Variants in PRUNE2 observed in about 807,000 individuals in gnomAD.
PRUNE2 encodes protein prune homolog 2.
Under a neutral mutation model 252.0 loss-of-function variants are expected in PRUNE2, and 164 were observed. The ratio of observed to expected loss-of-function variants is 0.65; its 90% confidence interval spans 0.57 to 0.74. The LOEUF (loss-of-function observed/expected upper bound fraction) is 0.74, where lower values mean the gene tolerates loss of function less well. Among genes scored for constraint, PRUNE2 ranks in the 30% least tolerant of loss-of-function variants. The probability of loss-of-function intolerance (pLI) is 0.00; values close to 1 mark genes in which losing one functional copy is unlikely to be tolerated. For missense variants in PRUNE2, 3,495 were observed against 3,711.0 expected (o/e 0.94, Z 1.51); for synonymous variants, 1,292 against 1,350.2 (o/e 0.96, Z 0.94).
intron 1 of PRUNE2, among the ~76,000 whole-genome samples, chr9:76,875,807 T>C (rs941952508): frequency 6.6e-6 from 1 of 152,244 alleles, no homozygotes; most frequent in Non-Finnish European, 1.5e-5. Context: ...GTCATACCAC[T>C]GCTATCCATC....
chr9:76,624,309 A>G (rs539230975), intron 17 of PRUNE2, 143 bp downstream of exon 17: 8 of 486,546 alleles, frequency 1.6e-5, no homozygotes, highest in Non-Finnish European at 2.8e-5. Context: ...TAGAGATTAC[A>G]TCTATCATAG....
At chr9:76,807,538 T>C (rs935037526) in intron 6 of PRUNE2, among the ~76,000 whole-genome samples, 1 of 152,222 alleles carries the variant, frequency 6.6e-6, no homozygotes, top group African/African-American at 2.4e-5. Flanking sequence ...TATGGGGAAC[T>C]AGAATTTATC....
At chr9:76,776,324 T>C (rs1296130503) in intron 6 of PRUNE2, among the ~76,000 whole-genome samples, 1 of 151,606 alleles carries the variant, frequency 6.6e-6, no homozygotes, top group African/African-American at 2.4e-5. Flanking sequence ...GATGTTATTA[T>C]TTCACTCTCT....
intron 6 of PRUNE2, among the ~76,000 whole-genome samples, chr9:76,792,395 C>A (rs983045163): frequency 6.6e-6 from 1 of 152,226 alleles, no homozygotes; most frequent in African/African-American, 2.4e-5. Context: ...TACCCAATCT[C>A]GGGTATGTCC....
intron 9 of PRUNE2, among the ~76,000 whole-genome samples, chr9:76,663,351 T>C (rs909649110): frequency 1.3e-5 from 2 of 151,610 alleles, no homozygotes; most frequent in African/African-American, 2.4e-5. Flanking sequence ...AGGAGGGAGG[T>C]GAGAGCTGGA....
intron 9 of PRUNE2, chr9:76,692,118 T>C (rs897155092): frequency 1.4e-6 from 1 of 717,362 alleles, no homozygotes; most frequent in Non-Finnish European, 2.6e-6. Context: ...GTGAGAAGGA[T>C]GCACGACTAC....
At chr9:76,642,001 T>TAAAAAAAAAAAAAAAAAAAAAAAAAAAA in intron 12 of PRUNE2, 1 of 1,010,460 alleles carries the variant, frequency 9.9e-7, no homozygotes, top group South Asian at 1.7e-5. Context: ...ATAAGAGAAG[T>TAAAAAAAAAAAAAAAAAAAAAAAAAAAA]AAAAAAAAAA....
At chr9:76,704,713 A>C (rs775474434) in intron 8 of PRUNE2, 48 bp downstream of exon 8, 13 of 1,294,136 alleles carry the variant, frequency 1.0e-5, no homozygotes, top group Non-Finnish European at 1.4e-5. Flanking sequence ...GCACTAGTTT[A>C]ATCAACGCAG....
intron 1 of PRUNE2, among the ~76,000 whole-genome samples, chr9:76,884,984 G>T (rs987932326): frequency 6.6e-6 from 1 of 152,200 alleles, no homozygotes; most frequent in Non-Finnish European, 1.5e-5. Context: ...CCACCAGTAA[G>T]AGGAAACAGA....
Position 76,709,190 on chromosome 9 carries a change from C to T in PRUNE2, c.3084G>A (p.Gly1028=). The change falls in exon 8 of 19, where the codon GGG becomes GGA. Residue 1028 remains glycine (G), a synonymous_variant. Coordinates refer to ENST00000376718, the MANE Select transcript of PRUNE2 (RefSeq NM_015225.3). ...GAGGTGAAGCCCACATGTCTAGGTTCCCAGGACCTGAACTGATTCGATTTC... is the reference window on the plus strand; with the variant it reads ...GAGGTGAAGCCCACATGTCTAGGTTTCCAGGACCTGAACTGATTCGATTTC... ...SSRNRISSGP[G]NLDMWASPHT... 1 of 1,613,794 alleles carries T rather than the reference C, an allele frequency of 6.2e-7. No homozygotes were observed. Among genetic ancestry groups the T allele is most frequent in the Non-Finnish European group, 8.5e-7 (1 of 1,179,814 alleles).
At chr9:76,792,391 A>G (rs1360391860) in intron 6 of PRUNE2, among the ~76,000 whole-genome samples, 4 of 152,184 alleles carry the variant, frequency 2.6e-5, no homozygotes, top group Non-Finnish European at 4.4e-5. Flanking sequence ...AAACTACCCA[A>G]TCTCGGGTAT....
intron 11 of PRUNE2, among the ~76,000 whole-genome samples, chr9:76,645,440 T>C (rs1233748084): frequency 6.6e-6 from 1 of 152,182 alleles, no homozygotes; most frequent in African/African-American, 2.4e-5. Context: ...ATTGGGAGCA[T>C]ATCTGGACAT....
chr9:76,640,875 C>G (rs957204810), intron 12 of PRUNE2, among the ~76,000 whole-genome samples: 30 of 152,232 alleles, frequency 2.0e-4, no homozygotes, highest in African/African-American at 6.7e-4. Flanking sequence ...CTTTCAAAAG[C>G]GTTTTTCTAA....
At chr9:76,786,721 G>A (rs2055025833) in intron 6 of PRUNE2, 1 of 152,140 alleles carries the variant, frequency 6.6e-6, no homozygotes, top group South Asian at 2.1e-4. Context: ...AATAGATGCT[G>A]CCTATGGGCT....
Position 76,612,347 on chromosome 9 carries a change from C to T in PRUNE2, c.*2223G>A, listed in dbSNP as rs1007698024. ...TGTTGCTGTGTCTGTTTGGCTATAA[C>T]AAGAGCCCTCTATGAACAGCTCTAT... On this transcript the variant is annotated 3_prime_UTR_variant, in exon 19 of 19. Transcript: ENST00000376718. The T allele has an allele frequency of 8.5e-5, 13 of 152,124 alleles. No individual in the cohort carries two copies. The highest frequency in any genetic ancestry group is 2.4e-4 in the African/African-American group (10 of 41,410). The allele number at this position is 152,124 out of a possible 1,614,324, so 9.4% of individuals were successfully genotyped here. A position where few individuals can be genotyped will look rare whatever the true frequency, so the allele number is the denominator to read the frequency against.
chr9:76,790,538 C>T (rs948763076), intron 6 of PRUNE2, among the ~76,000 whole-genome samples: 5 of 152,084 alleles, frequency 3.3e-5, no homozygotes, highest in African/African-American at 9.7e-5. Context: ...TGTTTTGTAC[C>T]CACCAGCAGT....
intron 6 of PRUNE2, among the ~76,000 whole-genome samples, chr9:76,766,996 G>A (rs1364014343): frequency 2.0e-5 from 3 of 152,140 alleles, no homozygotes; most frequent in African/African-American, 4.8e-5. Context: ...CCCCCAAGGC[G>A]AAGGTAGGCT....
intron 6 of PRUNE2, among the ~76,000 whole-genome samples, chr9:76,762,729 T>C (rs1230361182): frequency 6.6e-6 from 1 of 152,150 alleles, no homozygotes; most frequent in Non-Finnish European, 1.5e-5. Flanking sequence ...CCACATGAGA[T>C]TGAGCTCCAG....
At chr9:76,729,379 A>T (rs555925853) in intron 6 of PRUNE2, among the ~76,000 whole-genome samples, 11 of 152,322 alleles carry the variant, frequency 7.2e-5, no homozygotes, top group Admixed American at 1.3e-4. Context: ...TCTGGGAACC[A>T]CAATTTGAGA....
Sources: gnomAD v4.1 joint callset for allele counts (sites outside exome capture counted in the v4.1 genomes callset) on GRCh38, gnomAD v4.1.1 for gene constraint, MANE v1.5 for transcripts, NCBI Gene and HGNC (gene_info 2026-07-23, HGNC 2026-07-21) for gene names.